The following GREM2 variants were observed in gnomAD, a reference collection of about 807,000 sequenced individuals.
GREM2 encodes gremlin-2.
A neutral mutation model predicts 14.2 loss-of-function variants in GREM2; 11 were observed. The observed-to-expected ratio is 0.78, with a 90% CI of 0.49 to 1.28. The LOEUF is 1.28. GREM2 is among the 50% of genes most tolerant of loss of function. The probability of loss-of-function intolerance (pLI) is 0.00; values close to 1 mark genes in which losing one functional copy is unlikely to be tolerated. For synonymous variants in GREM2, 98 were observed against 97.6 expected (o/e 1.00, Z -0.02); for missense variants, 210 against 218.5 (o/e 0.96, Z 0.24).
intron 1 of GREM2, among the ~76,000 whole-genome samples, chr1:240,562,994 GTGTGTATA>G (rs1193699521): frequency 6.8e-6 from 1 of 147,044 alleles, no homozygotes; most frequent in Non-Finnish European, 1.5e-5. Flanking sequence ...AAGTGTGTAT[GTGTGTATA>G]TGTGAGTGTA....
At chr1:240,583,192 G>A (rs535562816) in intron 1 of GREM2, among the ~76,000 whole-genome samples, 23 of 152,098 alleles carry the variant, frequency 1.5e-4, no homozygotes, top group Non-Finnish European at 2.8e-4. Flanking sequence ...TGACACTTTC[G>A]AAATAATCCT....
At chr1:240,548,545 T>C (rs1678783049) in intron 1 of GREM2, among the ~76,000 whole-genome samples, 1 of 152,170 alleles carries the variant, frequency 6.6e-6, no homozygotes, top group Non-Finnish European at 1.5e-5. Context: ...TGTTTTCAAT[T>C]ATATCTATAA....
chr1:240,593,421 T>C (rs927267435), intron 1 of GREM2, among the ~76,000 whole-genome samples: 5 of 151,760 alleles, frequency 3.3e-5, no homozygotes, highest in Admixed American at 2.0e-4. Flanking sequence ...TTTCCACCAG[T>C]TATGAGTTGG....
At chr1:240,523,646 T>G (rs1678155381) in intron 1 of GREM2, among the ~76,000 whole-genome samples, 1 of 152,172 alleles carries the variant, frequency 6.6e-6, no homozygotes, top group South Asian at 2.1e-4. Flanking sequence ...TCCTTTAGTT[T>G]TTTTGTTTTG....
chr1:240,519,128 T>C (rs533036653), intron 1 of GREM2, among the ~76,000 whole-genome samples: 1 of 152,110 alleles, frequency 6.6e-6, no homozygotes, highest in South Asian at 2.1e-4. Flanking sequence ...TCCTCAAGTT[T>C]TCTAAGTGTT....
In GREM2 at chr1:240,540,309, G is replaced by A. The variant is rs1341507528; in HGVS notation, c.-1-46833C>T. Among the ~76,000 whole-genome samples the A allele has an allele frequency of 6.6e-6, 1 of 152,106 alleles. No individual in the cohort carries two copies. Among genetic ancestry groups the A allele is most frequent in the East Asian group, 1.9e-4 (1 of 5,186 alleles). Reference sequence around the variant, plus strand: ...CTAGACTAACTTATTGCATTGAAGAGCTCCTTCTCCAAAAGGGGGCATAAA... The same window carrying A: ...CTAGACTAACTTATTGCATTGAAGAACTCCTTCTCCAAAAGGGGGCATAAA... On this transcript the variant is annotated intron_variant, in intron 1 of 1. Coordinates refer to ENST00000318160, the MANE Select transcript of GREM2 (RefSeq NM_022469.4). The surrounding 1 kb of genome is among the most constrained non-coding windows in gnomAD (Gnocchi z 4.2).
At chr1:240,538,622 G>T (rs536298196) in intron 1 of GREM2, among the ~76,000 whole-genome samples, 24 of 152,218 alleles carry the variant, frequency 1.6e-4, no homozygotes, top group South Asian at 1.2e-3. Flanking sequence ...GGAGACTGAG[G>T]TGGGAGGATC....
intron 1 of GREM2, among the ~76,000 whole-genome samples, chr1:240,579,651 A>C (rs1236057897): frequency 6.6e-6 from 1 of 152,216 alleles, no homozygotes; most frequent in African/African-American, 2.4e-5. Context: ...TACATGAGTA[A>C]CTATAATATG....
chr1:240,582,248 C>T lies in GREM2; in HGVS notation c.-2+29636G>A, dbSNP rs368799593. ...GTCAAGAGATCAAGACCATCCTGGC[C>T]AACATGGTGAAACCCCGTCTCTACT... On this transcript the variant is annotated intron_variant, in intron 1 of 1. Transcript: ENST00000318160. Among the ~76,000 whole-genome samples the T allele has an allele frequency of 4.6e-3, 695 of 152,220 alleles. 6 individuals carry two copies. Among genetic ancestry groups the T allele is most frequent in the African/African-American group, 0.016 (665 of 41,524 alleles).
intron 1 of GREM2, among the ~76,000 whole-genome samples, chr1:240,585,601 G>A (rs1679582066): frequency 6.6e-6 from 1 of 151,612 alleles, no homozygotes; most frequent in South Asian, 2.1e-4. Flanking sequence ...GTGGTGGCGG[G>A]CGCCTGTAAT....
chr1:240,598,104 C>A (rs1436911224), intron 1 of GREM2, among the ~76,000 whole-genome samples: 1 of 152,170 alleles, frequency 6.6e-6, no homozygotes, highest in Non-Finnish European at 1.5e-5. Flanking sequence ...ACGTTTTAAT[C>A]ATATGGAGAC....
chr1:240,546,503 G>A (rs1199097723), intron 1 of GREM2, among the ~76,000 whole-genome samples: 2 of 152,082 alleles, frequency 1.3e-5, no homozygotes, highest in African/African-American at 4.8e-5. Context: ...ACTCCTCAAG[G>A]GCAAGACTTT....
At position 240,519,580 on chromosome 1, in the gene GREM2, A is replaced by G. The variant is rs76161003; in HGVS notation, c.-1-26104T>C. Reference sequence around the variant, plus strand: ...GTAACATTTTTTTAAATCTGAAAGCATATTTGTTTTGATAGAGATTAAATA... The same window carrying G: ...GTAACATTTTTTTAAATCTGAAAGCGTATTTGTTTTGATAGAGATTAAATA... On this transcript the variant is annotated intron_variant, in intron 1 of 1. Coordinates refer to ENST00000318160, the MANE Select transcript of GREM2 (RefSeq NM_022469.4). Among the ~76,000 whole-genome samples the G allele has an allele frequency of 8.4e-4, 128 of 152,266 alleles. No individual in the cohort carries two copies. The East Asian group carries it at 0.022, about 26-fold the overall frequency.
intron 1 of GREM2, among the ~76,000 whole-genome samples, chr1:240,520,092 T>TAAAAC (rs1369866587): frequency 6.6e-6 from 1 of 151,234 alleles, no homozygotes; most frequent in African/African-American, 2.4e-5. Flanking sequence ...AAAAATAAAA[T>TAAAAC]AAAATAAAAT....
rs369103459 is a variant in GREM2, at chr1:240,603,133, C to G, written c.-2+8751G>C. Reference sequence around the variant, plus strand: ...CCAAGGCGGTGAATGCGGTGCGGTGCGGAGCTATCAATGGGAACTCATGCA... The same window carrying G: ...CCAAGGCGGTGAATGCGGTGCGGTGGGGAGCTATCAATGGGAACTCATGCA... On this transcript the variant is annotated intron_variant, in intron 1 of 1. Coordinates refer to ENST00000318160, the MANE Select transcript of GREM2 (RefSeq NM_022469.4). Among the ~76,000 whole-genome samples, 6 of 152,130 alleles carry G rather than the reference C, an allele frequency of 3.9e-5. No individual in the cohort carries two copies. The East Asian group carries it at 5.8e-4, about 15-fold the overall frequency.
intron 1 of GREM2, among the ~76,000 whole-genome samples, chr1:240,574,976 G>T (rs1016795872): frequency 1.3e-5 from 2 of 151,866 alleles, no homozygotes; most frequent in African/African-American, 4.8e-5. Flanking sequence ...GCGTGTTGGC[G>T]TGCGCCTGTA....
At chr1:240,513,068 T>A (rs1005783869) in intron 1 of GREM2, among the ~76,000 whole-genome samples, 3 of 152,176 alleles carry the variant, frequency 2.0e-5, no homozygotes, top group Admixed American at 6.5e-5. Context: ...TATTTTCAGA[T>A]AGCAGGAAGT....
At chr1:240,548,340 C>T (rs1678779198) in intron 1 of GREM2, among the ~76,000 whole-genome samples, 1 of 151,978 alleles carries the variant, frequency 6.6e-6, no homozygotes, top group Non-Finnish European at 1.5e-5. Context: ...CTTGGCTGCT[C>T]AATCTTACAA....
At chr1:240,572,054 T>C (rs889011202) in intron 1 of GREM2, among the ~76,000 whole-genome samples, 10 of 152,170 alleles carry the variant, frequency 6.6e-5, no homozygotes, top group African/African-American at 2.4e-4. Context: ...TTGGCACCTT[T>C]TGATCCAAGA....
Sources: gnomAD v4.1 joint callset for allele counts (sites outside exome capture counted in the v4.1 genomes callset) on GRCh38, gnomAD v4.1.1 for gene constraint, Gnocchi (gnomAD v3.1) non-coding constraint, MANE v1.5 for transcripts, NCBI Gene and HGNC (gene_info 2026-07-23, HGNC 2026-07-21) for gene names.